Variants in EEF2K observed in about 807,000 individuals in gnomAD.
EEF2K encodes the protein alternative protein EEF2K.
Under a neutral mutation model 93.8 loss-of-function variants are expected in EEF2K, and 70 were observed. The observed-to-expected ratio is 0.75, with a 90% CI of 0.62 to 0.91. EEF2K has a LOEUF of 0.91. Among genes scored for constraint, EEF2K ranks in the 40% least tolerant of loss-of-function variants. EEF2K has a pLI of 0.00. For missense variants in EEF2K, 935 were observed against 972.9 expected (o/e 0.96, Z 0.52); for synonymous variants, 376 against 380.8 (o/e 0.99, Z 0.15).
At chr16:22,220,968 G>A (rs1023033925) in intron 1 of EEF2K, among the ~76,000 whole-genome samples, 4 of 152,220 alleles carry the variant, frequency 2.6e-5, no homozygotes, top group Non-Finnish European at 4.4e-5. Flanking sequence ...TGACAGTGAG[G>A]AGAGGCCAGT....
At chr16:22,232,570 C>G (rs990558423) in intron 2 of EEF2K, among the ~76,000 whole-genome samples, 1 of 152,182 alleles carries the variant, frequency 6.6e-6, no homozygotes, top group Non-Finnish European at 1.5e-5. Flanking sequence ...GCTTTCTGCT[C>G]TGCCTTCCGT....
At chr16:22,269,824 G>A (rs1364301354) in intron 15 of EEF2K, among the ~76,000 whole-genome samples, 1 of 152,122 alleles carries the variant, frequency 6.6e-6, no homozygotes, top group Non-Finnish European at 1.5e-5. Context: ...ATATGAAATA[G>A]GCTCCTATTT....
At chr16:22,277,147 A>G (rs2141687393) in intron 16 of EEF2K, among the ~76,000 whole-genome samples, 1 of 152,226 alleles carries the variant, frequency 6.6e-6, no homozygotes, top group South Asian at 2.1e-4. Context: ...TTATTTATTT[A>G]TTTATTTGAG....
Position 22,256,775 on chromosome 16 carries a change from G to A in EEF2K, c.646G>A (p.Glu216Lys), listed in dbSNP as rs147622817. Residue 216 changes from glutamate to lysine, a missense_variant, in exon 7 of 18, where the codon GAG becomes AAG. Glu to Lys is a moderately conservative substitution (Grantham distance 56, BLOSUM62 1). Transcript: ENST00000263026. ...GGACATCATGCAGATGTGCATCATC[G>A]AGCTGAAGGACAGACCGGGCAAGCC... ...QVDIMQMCII[E>K]LKDRPGKPLF... The A allele has an allele frequency of 5.8e-5, 93 of 1,613,892 alleles. No homozygotes were observed. The highest frequency in any genetic ancestry group is 4.2e-4 in the Admixed American group (25 of 59,968).
chr16:22,243,943 AGAG>A (rs1326865594), intron 2 of EEF2K, among the ~76,000 whole-genome samples: 14 of 141,044 alleles, frequency 9.9e-5, no homozygotes, highest in Admixed American at 3.6e-4. Context: ...AAAAAAAAAA[AGAG>A]GCCGGGCACA....
intron 1 of EEF2K, among the ~76,000 whole-genome samples, chr16:22,209,186 C>T (rs145347488): frequency 6.6e-6 from 1 of 152,144 alleles, no homozygotes; most frequent in African/African-American, 2.4e-5. Context: ...CACATGCCAC[C>T]GTGCCCAGCT....
At chr16:22,217,320 A>G (rs1160401642) in intron 1 of EEF2K, among the ~76,000 whole-genome samples, 2 of 151,882 alleles carry the variant, frequency 1.3e-5, no homozygotes, top group Non-Finnish European at 2.9e-5. Context: ...TGCCCGTGCA[A>G]AGTTGCAAAG....
At chr16:22,234,877 C>CTTTTTTTTTTT (rs1173052779) in intron 2 of EEF2K, among the ~76,000 whole-genome samples, 2 of 90,628 alleles carry the variant, frequency 2.2e-5, no homozygotes, top group Non-Finnish European at 2.1e-5. Context: ...TTTTTTGTTG[C>CTTTTTTTTTTT]TTTTTTTTTT....
At chr16:22,215,978 T>G (rs1296647659) in intron 1 of EEF2K, among the ~76,000 whole-genome samples, 2 of 152,124 alleles carry the variant, frequency 1.3e-5, no homozygotes, top group African/African-American at 4.8e-5. Context: ...TGAGCACCTG[T>G]GCACTGAAGG....
In EEF2K at chr16:22,273,589, TC is replaced by T. The variant is rs1383375944; in HGVS notation, c.1765-36del. ...GGCAGCCCTCGAGTGTAAGCCTCAT[TC>T]ACTCTTCTTTCTCCCTCTTTGGTTT... On this transcript the variant is annotated intron_variant, in intron 15 of 17. Transcript: ENST00000263026. The T allele has an allele frequency of 3.7e-6, 6 of 1,610,594 alleles. No individual in the cohort carries two copies. The East Asian group carries it at 1.1e-4, about 30-fold the overall frequency.
chr16:22,239,530 G>T (rs2047200605), intron 2 of EEF2K, among the ~76,000 whole-genome samples: 1 of 152,168 alleles, frequency 6.6e-6, no homozygotes, highest in Non-Finnish European at 1.5e-5. Context: ...CGGGGATTGG[G>T]CTGGGCGTGG....
chr16:22,232,549 A>T (rs1598172759), intron 2 of EEF2K, among the ~76,000 whole-genome samples: 1 of 152,176 alleles, frequency 6.6e-6, no homozygotes, highest in East Asian at 1.9e-4. Context: ...GATTGAAGAC[A>T]ACCTTTCCAG....
chr16:22,246,515 T>TAAA lies in EEF2K; in HGVS notation c.347+1808_347+1810dup, dbSNP rs746408835. On this transcript the variant is annotated intron_variant, in intron 3 of 17. Transcript: ENST00000263026. ...TGGGTGACAGAGTGAGACTCAGTCT[T>TAAA]AAAAAAAAAAAAAAAAAAAAAAAAA... Among the ~76,000 whole-genome samples, 86 of 70,432 alleles carry TAAA rather than the reference T, an allele frequency of 1.2e-3. 1 individual carries two copies. The highest frequency in any genetic ancestry group is 2.0e-3 in the African/African-American group (32 of 15,944). 46.2% of individuals were successfully genotyped at this position (70,432 alleles called of 152,430 possible).
At chr16:22,264,063 G>A (rs1010389247) in intron 12 of EEF2K, among the ~76,000 whole-genome samples, 1 of 152,070 alleles carries the variant, frequency 6.6e-6, no homozygotes, top group Non-Finnish European at 1.5e-5. Flanking sequence ...GGAGGCCGGG[G>A]CAGGCAGATC....
At chr16:22,277,696 C>T (rs1350788364) in intron 16 of EEF2K, among the ~76,000 whole-genome samples, 1 of 152,144 alleles carries the variant, frequency 6.6e-6, no homozygotes, top group African/African-American at 2.4e-5. Flanking sequence ...TGTTTGGGGG[C>T]AGAATCTCTA....
intron 1 of EEF2K, among the ~76,000 whole-genome samples, chr16:22,223,522 T>G (rs1246498235): frequency 2.0e-5 from 3 of 152,110 alleles, no homozygotes; most frequent in Non-Finnish European, 4.4e-5. Context: ...ATTTCTTAAT[T>G]TTTGGGTATG....
intron 6 of EEF2K, among the ~76,000 whole-genome samples, chr16:22,253,109 C>T (rs182483148): frequency 3.9e-4 from 59 of 152,282 alleles, no homozygotes; most frequent in Non-Finnish European, 7.8e-4. Context: ...AGAGCTGTAG[C>T]CAGGTCTCAA....
At chr16:22,231,411 C>T (rs1429540127) in intron 2 of EEF2K, among the ~76,000 whole-genome samples, 2 of 151,738 alleles carry the variant, frequency 1.3e-5, no homozygotes, top group East Asian at 1.9e-4. Flanking sequence ...CCACCACGCC[C>T]GACCTGATCC....
Position 22,207,420 on chromosome 16 carries a change from T to A in EEF2K, c.-77+741T>A, listed in dbSNP as rs1389703505. Among the ~76,000 whole-genome samples the A allele has an allele frequency of 2.0e-5, 3 of 152,236 alleles. No individual in the cohort carries two copies. The East Asian group carries it at 5.8e-4, about 29-fold the overall frequency. ...CTTCAGCCAGGAAAGCAGGAAACACTAGGGCTGGAGTCCTGGGTTGGAATT... is the reference window on the plus strand; with the variant it reads ...CTTCAGCCAGGAAAGCAGGAAACACAAGGGCTGGAGTCCTGGGTTGGAATT... On this transcript the variant is annotated intron_variant, in intron 1 of 17. Transcript: ENST00000263026.
Sources: allele counts gnomAD v4.1 joint callset (sites outside exome capture counted in the v4.1 genomes callset), GRCh38; gene constraint gnomAD v4.1.1; transcripts MANE v1.5; gene names NCBI Gene and HGNC (gene_info 2026-07-23, HGNC 2026-07-21).